Variants in PEBP4 observed in about 807,000 individuals in gnomAD.
PEBP4 encodes the protein phosphatidylethanolamine-binding protein 4.
A neutral mutation model predicts 23.9 loss-of-function variants in PEBP4; 22 were observed. The ratio of observed to expected loss-of-function variants is 0.92; its 90% confidence interval spans 0.66 to 1.31. PEBP4 has a LOEUF of 1.31. Ranked by LOEUF, PEBP4 falls within the 40% of genes most tolerant of loss-of-function variation. PEBP4 has a pLI of 0.00. For synonymous variants in PEBP4, 112 were observed against 99.3 expected (o/e 1.13, Z -0.76); for missense variants, 324 against 281.7 (o/e 1.15, Z -1.07).
intron 6 of PEBP4, among the ~76,000 whole-genome samples, chr8:22,719,611 C>T (rs1032965132): frequency 8.5e-5 from 13 of 152,190 alleles, no homozygotes; most frequent in East Asian, 3.8e-4. Context: ...GTAGGCAAGG[C>T]GGTGGCAGGT....
intron 4 of PEBP4, chr8:22,754,725 A>G (rs941022710): frequency 6.6e-6 from 1 of 152,264 alleles, no homozygotes; most frequent in Non-Finnish European, 1.5e-5. Flanking sequence ...GGCAGGGAGT[A>G]TGGATCACAC....
At chr8:22,926,695 C>T (rs1199359527) in intron 2 of PEBP4, among the ~76,000 whole-genome samples, 1 of 152,048 alleles carries the variant, frequency 6.6e-6, no homozygotes, top group African/African-American at 2.4e-5. Context: ...TAAGAGAAGA[C>T]ATGTATTTAT....
At chr8:22,863,144 T>C (rs1353196596) in intron 3 of PEBP4, among the ~76,000 whole-genome samples, 2 of 152,130 alleles carry the variant, frequency 1.3e-5, no homozygotes, top group Non-Finnish European at 2.9e-5. Context: ...TGGATGCTGT[T>C]GGCAGTGAAA....
chr8:22,890,076 C>G (rs1808462291), intron 3 of PEBP4, among the ~76,000 whole-genome samples: 2 of 152,194 alleles, frequency 1.3e-5, no homozygotes. Flanking sequence ...CCAGTACTTG[C>G]CACTCTCAAC....
At chr8:22,827,606 G>C (rs1806998902) in intron 3 of PEBP4, among the ~76,000 whole-genome samples, 1 of 151,996 alleles carries the variant, frequency 6.6e-6, no homozygotes, top group Non-Finnish European at 1.5e-5. Flanking sequence ...ATATTTCATT[G>C]TATGGATAGA....
intron 6 of PEBP4, among the ~76,000 whole-genome samples, chr8:22,718,260 T>A (rs1409950478): frequency 1.3e-5 from 2 of 152,028 alleles, no homozygotes; most frequent in African/African-American, 4.8e-5. Context: ...AGCCAGTGCA[T>A]CCCCTAGGCC....
chr8:22,781,366 G>A (rs936123014), intron 4 of PEBP4, among the ~76,000 whole-genome samples: 3 of 152,134 alleles, frequency 2.0e-5, no homozygotes, highest in Non-Finnish European at 2.9e-5. Context: ...GGGGAGGAGG[G>A]ACACGGGGGT....
At chr8:22,751,396 C>T (rs1805254471) in intron 4 of PEBP4, among the ~76,000 whole-genome samples, 1 of 152,202 alleles carries the variant, frequency 6.6e-6, no homozygotes, top group South Asian at 2.1e-4. Flanking sequence ...CCTTGGGAAA[C>T]TTGGGTCTGA....
At position 22,889,528 on chromosome 8, in the gene PEBP4, G is replaced by A. The variant is rs191527378; in HGVS notation, c.258+30656C>T. On this transcript the variant is annotated intron_variant, in intron 3 of 6. Transcript: ENST00000256404. The stretch of plus-strand genomic sequence containing the variant: ...AAGGCAAGAGAAGTCTAAGGAAGTC[G>A]TCAAAGCACAGCCAAGCAAACAGAA... Among the ~76,000 whole-genome samples the A allele has an allele frequency of 2.8e-4, 43 of 152,324 alleles. No homozygotes were observed. The East Asian group carries it at 6.4e-3, about 23-fold the overall frequency.
At chr8:22,879,368 A>T (rs1293482559) in intron 3 of PEBP4, 10 of 152,252 alleles carry the variant, frequency 6.6e-5, no homozygotes, top group Non-Finnish European at 1.5e-5. Context: ...ACCTGCCGAA[A>T]AAAGGGCACT....
chr8:22,833,418 G>C (rs1205737815), intron 3 of PEBP4, among the ~76,000 whole-genome samples: 1 of 152,152 alleles, frequency 6.6e-6, no homozygotes, highest in African/African-American at 2.4e-5. Flanking sequence ...TGCAACCTCC[G>C]CCTCAAGGGT....
chr8:22,883,647 C>G (rs1444641354), intron 3 of PEBP4, among the ~76,000 whole-genome samples: 1 of 152,138 alleles, frequency 6.6e-6, no homozygotes, highest in Non-Finnish European at 1.5e-5. Flanking sequence ...ATTTTGCAGC[C>G]TGCTAGGATT....
intron 3 of PEBP4, chr8:22,884,233 T>C (rs148404995): frequency 1.4e-3 from 207 of 152,266 alleles, no homozygotes; most frequent in African/African-American, 4.7e-3. Flanking sequence ...ATGCACCTGG[T>C]TCTACCACCT....
chr8:22,720,378 G>T (rs771990973), intron 6 of PEBP4, among the ~76,000 whole-genome samples: 1 of 152,212 alleles, frequency 6.6e-6, no homozygotes, highest in Non-Finnish European at 1.5e-5. Flanking sequence ...AGTGGGCAAG[G>T]CATTGCGGGT....
intron 3 of PEBP4, among the ~76,000 whole-genome samples, chr8:22,847,062 T>C (rs954941789): frequency 6.6e-6 from 1 of 152,150 alleles, no homozygotes; most frequent in Non-Finnish European, 1.5e-5. Context: ...GAGAAATCAC[T>C]TCCATCACTG....
intron 4 of PEBP4, chr8:22,815,082 T>G (rs1271645698): frequency 6.6e-6 from 1 of 152,232 alleles, no homozygotes; most frequent in African/African-American, 2.4e-5. Context: ...AGCTAAGAGA[T>G]GGCATCATTC....
chr8:22,723,797 T>C (rs906064056), intron 6 of PEBP4, among the ~76,000 whole-genome samples: 2 of 152,190 alleles, frequency 1.3e-5, no homozygotes, highest in Non-Finnish European at 2.9e-5. Flanking sequence ...CCTGGAGCCC[T>C]CTGTGATAGG....
chr8:22,801,498 T>A (rs1460577773), intron 4 of PEBP4, among the ~76,000 whole-genome samples: 1 of 152,074 alleles, frequency 6.6e-6, no homozygotes, highest in Non-Finnish European at 1.5e-5. Flanking sequence ...GGAAGATGCA[T>A]GCAGAAACAG....
intron 3 of PEBP4, among the ~76,000 whole-genome samples, chr8:22,856,490 G>A (rs1187924793): frequency 6.6e-6 from 1 of 152,202 alleles, no homozygotes; most frequent in Non-Finnish European, 1.5e-5. Flanking sequence ...GCCGAGGCAG[G>A]CGGATTACTT....
Sources: allele counts gnomAD v4.1 joint callset (sites outside exome capture counted in the v4.1 genomes callset), GRCh38; gene constraint gnomAD v4.1.1; transcripts MANE v1.5; gene names NCBI Gene and HGNC (gene_info 2026-07-23, HGNC 2026-07-21).